The following ANKRD62 variants were observed in gnomAD, a reference collection of about 807,000 sequenced individuals.
ANKRD62 encodes ankyrin repeat domain-containing protein 62.
A neutral mutation model predicts 98.8 loss-of-function variants in ANKRD62; 61 were observed. The observed-to-expected ratio is 0.62, with a 90% CI of 0.50 to 0.76. The LOEUF (loss-of-function observed/expected upper bound fraction) is 0.76, where lower values mean the gene tolerates loss of function less well. Among genes scored for constraint, ANKRD62 ranks in the 30% least tolerant of loss-of-function variants. The pLI, the probability that ANKRD62 is intolerant of heterozygous loss-of-function variation, is 0.00. For synonymous variants in ANKRD62, 341 were observed against 367.9 expected, an observed-to-expected ratio of 0.93 and a Z score of 0.84; for missense variants, 933 against 1,082.9, an observed-to-expected ratio of 0.86 and a Z score of 1.94.
chr18:12,125,886 T>C lies in ANKRD62; in HGVS notation c.2065T>C (p.Cys689Arg), dbSNP rs1215503685. Residue 689 changes from cysteine (C) to arginine (R), a missense_variant, in exon 13 of 14, where the codon TGT becomes CGT. Physicochemically the swap from Cys to Arg is radical, Grantham distance 180. Around this residue, in one of 3 missense-constraint regions of ANKRD62, gnomAD observed 362 missense variants for 434.5 expected, o/e 0.83. Transcript: ENST00000587848. ...TTTCCAGAGCACAGTGAATGAATGG[T>C]GTCATTTACAAGAAGACACTAATTC... is the stretch of plus-strand genomic sequence containing the variant. ...LAFQSTVNEW[C>R]HLQEDTNSHI... is the part of the protein sequence containing the mutation. 2 of 1,543,414 alleles carry C rather than the reference T, an allele frequency of 1.3e-6. No homozygotes were observed. Among genetic ancestry groups the C allele is most frequent in the Non-Finnish European group, 1.7e-6 (2 of 1,147,078 alleles).
At chr18:12,168,140 T>C in the ANKRD62 span, among the ~76,000 whole-genome samples, 8 of 152,222 alleles carry the variant, frequency 5.3e-5, no homozygotes, top group Non-Finnish European at 1.0e-4. Flanking sequence ...TTAGTTTAAT[T>C]AGATCCCATT....
chr18:12,134,384 T>A (rs1910048829), downstream of ANKRD62, among the ~76,000 whole-genome samples: 1 of 152,190 alleles, frequency 6.6e-6, no homozygotes, highest in Non-Finnish European at 1.5e-5. Flanking sequence ...CCTTTTTTTT[T>A]ATTATTATAC....
intron 8 of ANKRD62, among the ~76,000 whole-genome samples, chr18:12,112,621 A>T (rs1037670476): frequency 6.6e-6 from 1 of 152,260 alleles, no homozygotes; most frequent in African/African-American, 2.4e-5. Flanking sequence ...CAGGAAGACA[A>T]TCTAGGCAAT....
the ANKRD62 span, among the ~76,000 whole-genome samples, chr18:12,179,669 G>A: frequency 6.6e-6 from 1 of 150,942 alleles, no homozygotes; most frequent in East Asian, 2.0e-4. Context: ...TAGAAATGTC[G>A]ACCAGATTGT....
chr18:12,133,446 CTCAAGGAACTG>C (rs1346608350), downstream of ANKRD62, among the ~76,000 whole-genome samples: 8 of 152,156 alleles, frequency 5.3e-5, no homozygotes, highest in African/African-American at 1.9e-4. Flanking sequence ...TGTGTTTAAT[CTCAAGGAACTG>C]TCAGGCTGTT....
At position 12,115,109 on chromosome 18, in the gene ANKRD62, T is replaced by C. The variant is rs1909633379; in HGVS notation, c.1086T>C (p.Asn362=). Residue 362 remains asparagine, a synonymous_variant, in exon 9 of 14, where the codon AAT becomes AAC. Transcript: ENST00000587848. ...TTAGGCTTGCAAGGAAAACCTCTAA[T>C]GAAAAGAGCAAGGTATTATAAAAGT... ...EFDRLARKTS[N]EKSKVKSQIY... 2.9e-6 allele frequency: 4 copies of C among 1,400,614 alleles called. No individual in the cohort carries two copies. Among genetic ancestry groups the C allele is most frequent in the South Asian group, 1.8e-5 (1 of 54,536 alleles). The allele number at this position is 1,400,614 out of a possible 1,614,324, so 86.8% of individuals were successfully genotyped here. A position where few individuals can be genotyped will look rare whatever the true frequency, so the allele number is the denominator to read the frequency against.
At chr18:12,140,218 C>A in the ANKRD62 span, among the ~76,000 whole-genome samples, 19 of 152,198 alleles carry the variant, frequency 1.2e-4, no homozygotes, top group Admixed American at 9.8e-4. Context: ...AAAGACTTCT[C>A]TGCATTGGTT....
Position 12,127,755 on chromosome 18 carries a change from G to A in ANKRD62, c.2570G>A (p.Arg857Lys). 4 of 1,413,750 alleles carry A rather than the reference G, an allele frequency of 2.8e-6. No individual in the cohort carries two copies. Among genetic ancestry groups the A allele is most frequent in the Admixed American group, 6.1e-5 (2 of 32,820 alleles). The allele number at this position is 1,413,750 out of a possible 1,614,324, so 87.6% of individuals were successfully genotyped here. A position where few individuals can be genotyped will look rare whatever the true frequency, so the allele number is the denominator to read the frequency against. Reference sequence around the variant, plus strand: ...AAAATAACATCTTACCAGGTAGTCAGGAGACAGCTTCAACGAGAAGTGGAT... The same window carrying A: ...AAAATAACATCTTACCAGGTAGTCAAGAGACAGCTTCAACGAGAAGTGGAT... ...EKEKEEREVV[R>K]RQLQREVDDA... Residue 857 changes from arginine (R) to lysine (K), a missense_variant, in exon 14 of 14, where the codon AGG (arginine) becomes AAG (lysine). Transcript: ENST00000587848.
chr18:12,095,496 A>G lies in ANKRD62; in HGVS notation c.393A>G (p.Pro131=), dbSNP rs1167813195. 2 of 1,573,050 alleles carry G rather than the reference A, an allele frequency of 1.3e-6. No homozygotes were observed. The highest frequency in any genetic ancestry group is 1.7e-6 in the Non-Finnish European group (2 of 1,165,076). The change falls in exon 3 of 14, where the codon CCA becomes CCG. Residue 131 remains proline (P), a synonymous_variant. Transcript: ENST00000587848. The part of the protein sequence containing the change: ...ASILLEHGAN[P]NVRDMYGNTA... ...TCCTGCTGGAACATGGCGCCAACCC[A>G]AATGTTAGAGATATGTATGGCAACA...
chr18:12,145,091 C>T, the ANKRD62 span, among the ~76,000 whole-genome samples: 1 of 152,020 alleles, frequency 6.6e-6, no homozygotes, highest in Admixed American at 6.6e-5. Context: ...TGTGGTGAGC[C>T]GAGATTGCAC....
the ANKRD62 span, among the ~76,000 whole-genome samples, chr18:12,175,477 T>C: frequency 6.6e-6 from 1 of 151,988 alleles, no homozygotes; most frequent in Non-Finnish European, 1.5e-5. Context: ...CCCACAGACA[T>C]GCTCCAGCCA....
chr18:12,111,364 A>G (rs1909534707), intron 8 of ANKRD62, among the ~76,000 whole-genome samples: 2 of 152,206 alleles, frequency 1.3e-5, no homozygotes, highest in South Asian at 2.1e-4. Flanking sequence ...GAAATTCAAC[A>G]TTTATGTTAA....
At chr18:12,135,814 T>C in the ANKRD62 span, among the ~76,000 whole-genome samples, 1 of 152,226 alleles carries the variant, frequency 6.6e-6, no homozygotes, top group African/African-American at 2.4e-5. Flanking sequence ...CATTTTTTCA[T>C]GTGTTTTTTG....
chr18:12,102,081 T>C, intron 6 of ANKRD62: 1 of 1,363,200 alleles, frequency 7.3e-7, no homozygotes, highest in Non-Finnish European at 1.0e-6. Context: ...AAGCTGAAAG[T>C]GCCAGAAGCT....
chr18:12,125,616 A>G lies in ANKRD62; in HGVS notation c.1795A>G (p.Asn599Asp). Residue 599 changes from asparagine (N) to aspartate (D), a missense_variant, in exon 13 of 14, where the codon AAC becomes GAC. Asn to Asp is a conservative substitution (Grantham distance 23, BLOSUM62 1). This residue lies in a region of ANKRD62 where 362 missense variants were observed against 434.5 expected (regional missense o/e 0.83). Coordinates refer to ENST00000587848, the MANE Select transcript of ANKRD62 (RefSeq NM_001277333.2). The stretch of plus-strand genomic sequence containing the variant: ...CAAAGATATTGAAATTATAAAGGAA[A>G]ACAATGAAGACCTTGAAAAGACTCT... ...YFKDIEIIKE[N>D]NEDLEKTLKR... The G allele has an allele frequency of 6.6e-7, 1 of 1,526,236 alleles. No individual in the cohort carries two copies. The highest frequency in any genetic ancestry group is 8.7e-7 in the Non-Finnish European group (1 of 1,144,136). 94.5% of individuals were successfully genotyped at this position (1,526,236 alleles called of 1,614,324 possible).
chr18:12,099,772 T>TAA lies in ANKRD62; in HGVS notation c.820+96_820+97dup, dbSNP rs1003366048. The TAA allele has an allele frequency of 7.1e-6, 4 of 559,456 alleles. No homozygotes were observed. In the Admixed American group the frequency reaches 1.6e-4, roughly 23 times the overall value. 34.7% of individuals were successfully genotyped at this position (559,456 alleles called of 1,614,324 possible). On this transcript the variant is annotated intron_variant, in intron 6 of 13. Coordinates refer to ENST00000587848, the MANE Select transcript of ANKRD62 (RefSeq NM_001277333.2). ...AAGTTTTGATCACAAAACAGCAGTTTAAAAAAACCACTGTAAATTGAATGT... is the reference window on the plus strand; with the variant it reads ...AAGTTTTGATCACAAAACAGCAGTTTAAAAAAAAACCACTGTAAATTGAATGT...
At chr18:12,131,084 C>T (rs1909996700), downstream of ANKRD62, among the ~76,000 whole-genome samples, 2 of 152,170 alleles carry the variant, frequency 1.3e-5, no homozygotes, top group African/African-American at 4.8e-5. Context: ...GGACCTTTCC[C>T]GTTGTGGTAT....
chr18:12,131,393 C>CT (rs1280064097), downstream of ANKRD62, among the ~76,000 whole-genome samples: 8 of 152,140 alleles, frequency 5.3e-5, no homozygotes, highest in Non-Finnish European at 1.2e-4. Context: ...ACATTAAATA[C>CT]TTTTTCTTAT....
chr18:12,165,003 C>A, the ANKRD62 span, among the ~76,000 whole-genome samples: 1 of 151,948 alleles, frequency 6.6e-6, no homozygotes, highest in African/African-American at 2.4e-5. Context: ...TATCCTCTTG[C>A]TGAATTGACC....
Sources: allele counts gnomAD v4.1 joint callset (sites outside exome capture counted in the v4.1 genomes callset), GRCh38; gene constraint gnomAD v4.1.1; regional missense constraint gnomAD v4.1.1; transcripts MANE v1.5; gene names NCBI Gene and HGNC (gene_info 2026-07-23, HGNC 2026-07-21).